The following EPHA5 variants were observed in gnomAD, a reference collection of about 807,000 sequenced individuals.
The protein encoded by EPHA5 is ephrin type-A receptor 5.
EPHA5 carries 60 observed loss-of-function variants against 105.0 expected under a neutral mutation model. The ratio of observed to expected loss-of-function variants is 0.57; its 90% CI spans 0.46 to 0.71. The LOEUF (loss-of-function observed/expected upper bound fraction) is 0.71, where lower values mean the gene tolerates loss of function less well. EPHA5 is among the 30% of genes least tolerant of loss of function. The pLI, the probability that EPHA5 is intolerant of heterozygous loss-of-function variation, is 0.00. For synonymous variants in EPHA5, 513 were observed against 449.1 expected (o/e 1.14, Z -1.80); for missense variants, 1,218 against 1,274.7 (o/e 0.96, Z 0.68).
chr4:65,386,867 A>C (rs1720144862), intron 8 of EPHA5, among the ~76,000 whole-genome samples: 2 of 151,928 alleles, frequency 1.3e-5, no homozygotes, highest in Admixed American at 1.3e-4. Context: ...AATAAGAATT[A>C]AGAAATGCCT....
intron 6 of EPHA5, among the ~76,000 whole-genome samples, chr4:65,419,407 G>GTC (rs1236556502): frequency 1.3e-5 from 2 of 152,076 alleles, no homozygotes; most frequent in African/African-American, 4.8e-5. Context: ...AAGGAGTGAT[G>GTC]TCTCTGTGAG....
intron 1 of EPHA5, among the ~76,000 whole-genome samples, chr4:65,654,172 A>C (rs1748856800): frequency 6.6e-6 from 1 of 152,046 alleles, no homozygotes; most frequent in African/African-American, 2.4e-5. Context: ...GAGTAAGGCC[A>C]AGAAAAACAC....
Position 65,321,070 on chromosome 4 carries a change from C to G in EPHA5, c.*3044G>C, listed in dbSNP as rs1038155220. 1 of 230,448 alleles carries G rather than the reference C, an allele frequency of 4.3e-6. No individual in the cohort carries two copies. Among genetic ancestry groups the G allele is most frequent in the East Asian group, 6.1e-5 (1 of 16,316 alleles). 14.3% of individuals were successfully genotyped at this position (230,448 alleles called of 1,614,324 possible). Reference sequence around the variant, plus strand: ...TATGAGCAAATGACAAGATTAGAAACAAATTATGATAGGTCAAAGTAGTAA... The same window carrying G: ...TATGAGCAAATGACAAGATTAGAAAGAAATTATGATAGGTCAAAGTAGTAA... On this transcript the variant is annotated 3_prime_UTR_variant, in exon 17 of 17. Transcript: ENST00000613740.
intron 3 of EPHA5, among the ~76,000 whole-genome samples, chr4:65,557,260 T>TATATATATATATATATATG: frequency 3.9e-5 from 1 of 25,548 alleles, no homozygotes; most frequent in Non-Finnish European, 9.2e-5. Flanking sequence ...ATATATATAT[T>TATATATATATATATATATG]CTCACACTTT....
At chr4:65,618,394 A>G (rs1039349179) in intron 2 of EPHA5, among the ~76,000 whole-genome samples, 7 of 152,206 alleles carry the variant, frequency 4.6e-5, no homozygotes, top group Non-Finnish European at 1.0e-4. Context: ...TAATTATTGA[A>G]AAATTTTTAA....
intron 8 of EPHA5, among the ~76,000 whole-genome samples, chr4:65,372,563 T>C (rs1315925535): frequency 6.6e-6 from 1 of 151,906 alleles, no homozygotes; most frequent in Non-Finnish European, 1.5e-5. Context: ...TAATCTATTT[T>C]TACTTACTAA....
At chr4:65,497,972 C>A (rs546628310) in intron 3 of EPHA5, among the ~76,000 whole-genome samples, 93 of 151,698 alleles carry the variant, frequency 6.1e-4, no homozygotes, top group African/African-American at 2.2e-3. Context: ...ATTACTACAC[C>A]AGGAAAAGAA....
chr4:65,355,658 C>T (rs998510638), intron 11 of EPHA5, among the ~76,000 whole-genome samples: 4 of 151,508 alleles, frequency 2.6e-5, no homozygotes, highest in African/African-American at 7.3e-5. Flanking sequence ...AGAATTTATA[C>T]CAGCGATAAT....
intron 5 of EPHA5, among the ~76,000 whole-genome samples, chr4:65,445,388 A>G (rs553749677): frequency 6.6e-6 from 1 of 152,286 alleles, no homozygotes; most frequent in African/African-American, 2.4e-5. Flanking sequence ...AGTGTTTAAG[A>G]GCATTGATAA....
At chr4:65,578,187 C>T (rs1224079995) in intron 3 of EPHA5, among the ~76,000 whole-genome samples, 1 of 152,128 alleles carries the variant, frequency 6.6e-6, no homozygotes, top group Non-Finnish European at 1.5e-5. Flanking sequence ...AGTTTCTCAT[C>T]TAACACCCTC....
chr4:65,364,308 A>C (rs1160377937), intron 11 of EPHA5, among the ~76,000 whole-genome samples: 1 of 151,674 alleles, frequency 6.6e-6, no homozygotes, highest in Non-Finnish European at 1.5e-5. Flanking sequence ...GTAAAGAAAC[A>C]ATGAATACAA....
At position 65,574,189 on chromosome 4, in the gene EPHA5, C is replaced by T. The variant is rs1340866509; in HGVS notation, c.910+27452G>A. The T allele has an allele frequency of 3.7e-6, 6 of 1,604,090 alleles. No homozygotes were observed. In the East Asian group the frequency reaches 6.7e-5, roughly 18 times the overall value. ...ACAGAAAAAGGGAAATATGAGATTA[C>T]GGAGCAGCGCAAGATTGATCAGAAA... On this transcript the variant is annotated intron_variant, in intron 3 of 16. Coordinates refer to ENST00000613740, the MANE Select transcript of EPHA5 (RefSeq NM_001281766.3).
chr4:65,337,929 T>C (rs1304624559), intron 14 of EPHA5, among the ~76,000 whole-genome samples: 1 of 152,030 alleles, frequency 6.6e-6, no homozygotes, highest in Non-Finnish European at 1.5e-5. Context: ...TGAGCAAAAG[T>C]CCTAAGAGCA....
At chr4:65,402,051 C>T (rs1024344424) in intron 8 of EPHA5, among the ~76,000 whole-genome samples, 93 of 152,008 alleles carry the variant, frequency 6.1e-4, no homozygotes, top group African/African-American at 2.1e-3. Flanking sequence ...TTGGATCATG[C>T]GAGCGGTTTT....
At chr4:65,349,174 T>A (rs140086024) in intron 13 of EPHA5, among the ~76,000 whole-genome samples, 1 of 152,094 alleles carries the variant, frequency 6.6e-6, no homozygotes, top group Non-Finnish European at 1.5e-5. Context: ...TTATTTCTTT[T>A]AGACTTGCTT....
intron 3 of EPHA5, among the ~76,000 whole-genome samples, chr4:65,522,651 G>A (rs187680194): frequency 2.6e-3 from 396 of 152,074 alleles, no homozygotes; most frequent in African/African-American, 9.0e-3. Context: ...ATGTATGAAT[G>A]ACAGATTTTT....
At chr4:65,404,694 C>T (rs3749524) in intron 7 of EPHA5, among the ~76,000 whole-genome samples, 15,220 of 152,166 alleles carry the variant, frequency 0.1, 982 homozygotes, top group Middle Eastern at 0.23. Context: ...GAGAGCATCA[C>T]TAAGTCACTG....
chr4:65,528,540 A>G (rs1190231643), intron 3 of EPHA5, among the ~76,000 whole-genome samples: 1 of 152,158 alleles, frequency 6.6e-6, no homozygotes, highest in Non-Finnish European at 1.5e-5. Context: ...CTTGTTTATT[A>G]AAATCCATCT....
At chr4:65,486,614 T>G (rs1730904822) in intron 5 of EPHA5, among the ~76,000 whole-genome samples, 1 of 152,228 alleles carries the variant, frequency 6.6e-6, no homozygotes, top group South Asian at 2.1e-4. Context: ...CTGAAAAAAG[T>G]TTTATATAAC....
Sources: allele counts gnomAD v4.1 joint callset (sites outside exome capture counted in the v4.1 genomes callset), GRCh38; gene constraint gnomAD v4.1.1; transcripts MANE v1.5; gene names NCBI Gene and HGNC (gene_info 2026-07-23, HGNC 2026-07-21).